The following DPYD variants were observed in gnomAD, a reference collection of about 807,000 sequenced individuals.
DPYD encodes dihydropyrimidine dehydrogenase, also known as dihydropyrimidine dehydrogenase [NADP(+)].
In DPYD, 109 loss-of-function variants were observed where a neutral mutation model predicts 116.2. That is an observed-to-expected ratio of 0.94 (90% confidence interval 0.80 to 1.10). DPYD has a LOEUF of 1.10. DPYD is among the 50% of genes least tolerant of loss of function. DPYD has a pLI of 0.00. For missense variants in DPYD, 1,302 were observed against 1,254.5 expected, an observed-to-expected ratio of 1.04 and a Z score of -0.57; for synonymous variants, 440 against 432.0, an observed-to-expected ratio of 1.02 and a Z score of -0.23.
chr1:97,487,089 T>G (rs1184622779), intron 13 of DPYD, among the ~76,000 whole-genome samples: 1 of 152,170 alleles, frequency 6.6e-6, no homozygotes, highest in African/African-American at 2.4e-5. Flanking sequence ...AACGATTAAT[T>G]TTCTTAAACA....
intron 8 of DPYD, among the ~76,000 whole-genome samples, chr1:97,617,912 A>G (rs545561239): frequency 6.6e-6 from 1 of 152,338 alleles, no homozygotes; most frequent in Admixed American, 6.5e-5. Context: ...GAAAAGAAGG[A>G]AAAAGTCTCA....
chr1:97,453,908 GT>G (rs1361517542), intron 13 of DPYD, among the ~76,000 whole-genome samples: 2 of 152,034 alleles, frequency 1.3e-5, no homozygotes, highest in African/African-American at 4.8e-5. Context: ...TTATTCCTTT[GT>G]GTTGATTTAT....
At chr1:97,132,990 G>A (rs1428105459) in intron 20 of DPYD, among the ~76,000 whole-genome samples, 1 of 151,288 alleles carries the variant, frequency 6.6e-6, no homozygotes, top group Non-Finnish European at 1.5e-5. Context: ...TATTTTTTTT[G>A]CTCCGTTGGT....
chr1:97,084,482 C>T (rs1649371929), intron 21 of DPYD, among the ~76,000 whole-genome samples: 1 of 151,880 alleles, frequency 6.6e-6, no homozygotes, highest in Admixed American at 6.6e-5. Context: ...GCCCTCTCTC[C>T]TCCATATCCT....
At chr1:97,656,145 A>C (rs951854522) in intron 8 of DPYD, among the ~76,000 whole-genome samples, 2 of 152,204 alleles carry the variant, frequency 1.3e-5, no homozygotes, top group South Asian at 2.1e-4. Context: ...CATCTTATGC[A>C]ACAAATAACC....
intron 15 of DPYD, among the ~76,000 whole-genome samples, chr1:97,382,090 C>T (rs965562388): frequency 6.6e-6 from 1 of 152,110 alleles, no homozygotes; most frequent in African/African-American, 2.4e-5. Context: ...ATCATGGCAT[C>T]CATCATAATA....
intron 2 of DPYD, among the ~76,000 whole-genome samples, chr1:97,869,350 T>C (rs1035689001): frequency 6.6e-6 from 1 of 151,790 alleles, no homozygotes; most frequent in African/African-American, 2.4e-5. Context: ...TTGTGATAAA[T>C]ATTCCTATCT....
At chr1:97,371,408 G>C (rs1671305911) in intron 16 of DPYD, among the ~76,000 whole-genome samples, 1 of 152,156 alleles carries the variant, frequency 6.6e-6, no homozygotes, top group South Asian at 2.1e-4. Flanking sequence ...AGAGGGACTA[G>C]AATGACTCTT....
intron 16 of DPYD, among the ~76,000 whole-genome samples, chr1:97,328,492 T>C (rs1377446943): frequency 2.0e-5 from 3 of 152,162 alleles, no homozygotes; most frequent in Non-Finnish European, 4.4e-5. Context: ...CCCATTCATA[T>C]CACACACACT....
intron 17 of DPYD, 112 bp downstream of exon 17, chr1:97,306,065 A>T: frequency 6.4e-7 from 1 of 1,567,956 alleles, no homozygotes; most frequent in South Asian, 1.1e-5. Flanking sequence ...AACTTTTAAA[A>T]TTGAGACAAA....
intron 11 of DPYD, among the ~76,000 whole-genome samples, chr1:97,557,526 G>C (rs1378366929): frequency 6.6e-6 from 1 of 151,928 alleles, no homozygotes; most frequent in Non-Finnish European, 1.5e-5. Flanking sequence ...AGGTTGGCCA[G>C]GCTGGTCTCA....
intron 20 of DPYD, among the ~76,000 whole-genome samples, chr1:97,149,976 T>A (rs1418278070): frequency 6.6e-6 from 1 of 152,234 alleles, no homozygotes; most frequent in Non-Finnish European, 1.5e-5. Context: ...TCAACGAGCC[T>A]CCACATAATG....
intron 19 of DPYD, among the ~76,000 whole-genome samples, chr1:97,205,041 C>G (rs998789450): frequency 6.6e-6 from 1 of 151,972 alleles, no homozygotes; most frequent in Non-Finnish European, 1.5e-5. Context: ...AATAATTGGG[C>G]AGATAGTACA....
At chr1:97,274,488 A>G (rs1283127850) in intron 18 of DPYD, among the ~76,000 whole-genome samples, 1 of 152,146 alleles carries the variant, frequency 6.6e-6, no homozygotes, top group Non-Finnish European at 1.5e-5. Flanking sequence ...TGCCAGCACT[A>G]TGCTTCTTGT....
intron 18 of DPYD, among the ~76,000 whole-genome samples, chr1:97,251,710 A>G (rs1663112237): frequency 6.6e-6 from 1 of 152,156 alleles, no homozygotes; most frequent in South Asian, 2.1e-4. Flanking sequence ...AAGAATAAGG[A>G]CACATGGAGT....
chr1:97,352,874 T>A (rs1239548921), intron 16 of DPYD, among the ~76,000 whole-genome samples: 3 of 151,986 alleles, frequency 2.0e-5, no homozygotes, highest in Non-Finnish European at 4.4e-5. Flanking sequence ...TTCTGTATTA[T>A]ATGAGACAAT....
intron 8 of DPYD, among the ~76,000 whole-genome samples, chr1:97,603,460 G>A (rs977509853): frequency 4.6e-5 from 7 of 151,738 alleles, no homozygotes; most frequent in African/African-American, 1.5e-4. Flanking sequence ...TATCTCCATC[G>A]ACATACATAA....
chr1:97,118,779 A>G (rs952040834), intron 20 of DPYD, among the ~76,000 whole-genome samples: 1 of 152,188 alleles, frequency 6.6e-6, no homozygotes, highest in Non-Finnish European at 1.5e-5. Flanking sequence ...ATGGAAGAAA[A>G]ATATTCTAAG....
intron 7 of DPYD, among the ~76,000 whole-genome samples, chr1:97,682,775 T>C (rs1229634246): frequency 2.0e-5 from 3 of 152,124 alleles, no homozygotes; most frequent in Non-Finnish European, 2.9e-5. Flanking sequence ...AATATTTCCA[T>C]CTTGATTTTC....
Sources: allele counts gnomAD v4.1 joint callset (sites outside exome capture counted in the v4.1 genomes callset), GRCh38; gene constraint gnomAD v4.1.1; transcripts MANE v1.5; gene names NCBI Gene and HGNC (gene_info 2026-07-23, HGNC 2026-07-21).